Variants in PPIL3 observed in about 807,000 individuals in gnomAD.
The protein encoded by PPIL3 is peptidyl-prolyl cis-trans isomerase-like 3.
A neutral mutation model predicts 20.9 loss-of-function variants in PPIL3; 13 were observed. That is an observed-to-expected ratio of 0.62 (90% confidence interval 0.40 to 0.99). The LOEUF (loss-of-function observed/expected upper bound fraction) is 0.99. Ranked by LOEUF, PPIL3 falls within the 50% of genes least tolerant of loss-of-function variation. The pLI is 0.00. For synonymous variants in PPIL3, 71 were observed against 64.4 expected (o/e 1.10, Z -0.49); for missense variants, 170 against 195.2 (o/e 0.87, Z 0.77).
intron 5 of PPIL3, 37 bp downstream of exon 5, chr2:200,881,384 G>T: frequency 6.6e-7 from 1 of 1,517,718 alleles, no homozygotes; most frequent in Non-Finnish European, 9.1e-7. Context: ...CATAACCAAG[G>T]CATGAGAAAT....
intron 2 of PPIL3, among the ~76,000 whole-genome samples, chr2:200,887,330 A>T (rs1358539610): frequency 6.8e-6 from 1 of 147,194 alleles, no homozygotes; most frequent in Non-Finnish European, 1.5e-5. Flanking sequence ...GGCTGCAGTG[A>T]GCCGAGATTA....
At chr2:200,873,318 C>A (rs960481552) in intron 6 of PPIL3, among the ~76,000 whole-genome samples, 1 of 151,434 alleles carries the variant, frequency 6.6e-6, no homozygotes, top group African/African-American at 2.4e-5. Flanking sequence ...GCCTCCCAAG[C>A]AGCTGGGACT....
intron 3 of PPIL3, among the ~76,000 whole-genome samples, chr2:200,883,903 C>T (rs1249257974): frequency 1.3e-5 from 2 of 152,272 alleles, no homozygotes; most frequent in East Asian, 3.9e-4. Flanking sequence ...GCTGGGACAA[C>T]AGGGTCACAC....
At chr2:200,876,143 G>GT (rs537988969) in intron 6 of PPIL3, among the ~76,000 whole-genome samples, 8,224 of 137,796 alleles carry the variant, frequency 0.06, 261 homozygotes, top group Middle Eastern at 0.1. Context: ...TGTTTTTTTT[G>GT]TTTTTTTTTT....
Position 200,877,033 on chromosome 2 carries a change from T to C in PPIL3, c.245A>G (p.Asn82Ser), listed in dbSNP as rs754163849. Residue 82 changes from asparagine to serine, a missense_variant, in exon 6 of 7, where the codon AAT becomes AGT. Asn to Ser is a conservative substitution (Grantham distance 46). Coordinates refer to ENST00000392283, the MANE Select transcript of PPIL3 (RefSeq NM_130906.3). ...EDEYSEYLKH[N>S]VRGVVSMANN... Reference sequence around the variant, plus strand: ...AGCCATAGATACAACACCTCTAACATTGTGCTGAAAAAGACACATCAAAGT... The same window carrying C: ...AGCCATAGATACAACACCTCTAACACTGTGCTGAAAAAGACACATCAAAGT... The C allele has an allele frequency of 1.2e-5, 19 of 1,593,902 alleles. No individual in the cohort carries two copies. Among genetic ancestry groups the C allele is most frequent in the Non-Finnish European group, 1.5e-5 (18 of 1,161,750 alleles).
intron 6 of PPIL3, among the ~76,000 whole-genome samples, chr2:200,872,091 G>A (rs1392930061): frequency 2.0e-5 from 3 of 152,132 alleles, no homozygotes; most frequent in Non-Finnish European, 4.4e-5. Flanking sequence ...CACTTCGGAT[G>A]CCAGTTCCAA....
intron 2 of PPIL3, among the ~76,000 whole-genome samples, chr2:200,886,132 A>G (rs1575117489): frequency 6.6e-6 from 1 of 152,376 alleles, no homozygotes; most frequent in South Asian, 2.1e-4. Flanking sequence ...ATTCACCAAC[A>G]TCCTTATTTA....
intron 3 of PPIL3, among the ~76,000 whole-genome samples, chr2:200,882,966 G>C (rs771938968): frequency 1.3e-5 from 2 of 150,970 alleles, no homozygotes; most frequent in Non-Finnish European, 2.9e-5. Flanking sequence ...TGCAGTACCT[G>C]GCTCATCTCC....
At chr2:200,881,626 C>CA (rs1259506817) in intron 4 of PPIL3, 138 bp from the exon 5 acceptor site, 2 of 630,184 alleles carry the variant, frequency 3.2e-6, no homozygotes, top group African/African-American at 3.8e-5. Context: ...CCTAATTCCC[C>CA]AAATTTAACT....
intron 6 of PPIL3, among the ~76,000 whole-genome samples, chr2:200,876,520 T>G (rs1165414190): frequency 6.7e-6 from 1 of 148,352 alleles, no homozygotes; most frequent in Non-Finnish European, 1.5e-5. Flanking sequence ...TCTTTTCATT[T>G]TTTTTTTTTT....
intron 6 of PPIL3, among the ~76,000 whole-genome samples, chr2:200,874,760 T>C (rs2039452510): frequency 1.3e-5 from 2 of 152,168 alleles, no homozygotes; most frequent in Non-Finnish European, 2.9e-5. Context: ...GTAAATTAGA[T>C]ACATGTATAT....
chr2:200,886,729 C>T (rs1015217068), intron 2 of PPIL3, among the ~76,000 whole-genome samples: 6 of 152,074 alleles, frequency 3.9e-5, no homozygotes, highest in African/African-American at 1.2e-4. Context: ...CCTGGCCTAG[C>T]AGTTAGAGAG....
At chr2:200,878,687 C>T (rs879159589) in intron 5 of PPIL3, among the ~76,000 whole-genome samples, 1 of 152,084 alleles carries the variant, frequency 6.6e-6, no homozygotes, top group Non-Finnish European at 1.5e-5. Context: ...AGCCACTGTG[C>T]CCAGCCCTAA....
chr2:200,873,253 G>A (rs1381494489), intron 6 of PPIL3, among the ~76,000 whole-genome samples: 1 of 149,978 alleles, frequency 6.7e-6, no homozygotes, highest in Non-Finnish European at 1.5e-5. Context: ...GAGTGCAGTA[G>A]CACTATCTCG....
chr2:200,879,371 G>A (rs1197982720), intron 5 of PPIL3, among the ~76,000 whole-genome samples: 18 of 151,944 alleles, frequency 1.2e-4, no homozygotes, highest in African/African-American at 3.9e-4. Context: ...CGCCCGCCTC[G>A]GCCTCCCAAA....
At position 200,887,668 on chromosome 2, in the gene PPIL3, G is replaced by C; in HGVS notation, c.-53C>G. 9.2e-6 allele frequency: 14 copies of C among 1,529,362 alleles called. No individual in the cohort carries two copies. The highest frequency in any genetic ancestry group is 1.2e-5 in the Non-Finnish European group (13 of 1,126,930). The allele number at this position is 1,529,362 out of a possible 1,614,324, so 94.7% of individuals were successfully genotyped here. ...CTACGTGATTTCTCAGTCTTACAGC[G>C]AGCTCAAAAATAAGTCTCTAGTCCC... On this transcript the variant is annotated 5_prime_UTR_variant, in exon 2 of 7. Transcript: ENST00000392283.
In PPIL3 at chr2:200,889,030, C is replaced by T. The variant is rs1251702863; in HGVS notation, c.-145G>A. 2 of 471,214 alleles carry T rather than the reference C, an allele frequency of 4.2e-6. No homozygotes were observed. The highest frequency in any genetic ancestry group is 1.4e-4 in the East Asian group (2 of 14,396). 29.2% of individuals were successfully genotyped at this position (471,214 alleles called of 1,614,324 possible). A position where few individuals can be genotyped will look rare whatever the true frequency, so the allele number is the denominator to read the frequency against. The stretch of plus-strand genomic sequence containing the variant: ...TGCAATCGCAGATGCCAGCAGAGGT[C>T]TGTTGGTTCAAAATTATAGTTTCTT... On this transcript the variant is annotated 5_prime_UTR_variant, in exon 1 of 7. Transcript: ENST00000392283.
rs369905502 is a variant in PPIL3, at chr2:200,889,060, C to G, written c.-175G>C. ...GGTTCAAAATTATAGTTTCTTTGGG[C>G]CAGCGGAAGTTGGGCGCGGGACCCA... On this transcript the variant is annotated 5_prime_UTR_variant, in exon 1 of 7. Coordinates refer to ENST00000392283, the MANE Select transcript of PPIL3 (RefSeq NM_130906.3). 68 of 471,028 alleles carry G rather than the reference C, an allele frequency of 1.4e-4. No individual in the cohort carries two copies. Among genetic ancestry groups the G allele is most frequent in the African/African-American group, 1.2e-3 (60 of 50,192 alleles). 29.2% of individuals were successfully genotyped at this position (471,028 alleles called of 1,614,324 possible).
At position 200,881,485 on chromosome 2, in the gene PPIL3, G is replaced by A; in HGVS notation, c.176C>T (p.Thr59Ile). 6.2e-7 allele frequency: 1 copy of A among 1,611,690 alleles called. No homozygotes were observed. The highest frequency in any genetic ancestry group is 8.5e-7 in the Non-Finnish European group (1 of 1,178,578). Residue 59 changes from threonine (T) to isoleucine (I), a missense_variant, in exon 5 of 7, where the codon ACT (threonine) becomes ATT (isoleucine). Coordinates refer to ENST00000392283, the MANE Select transcript of PPIL3 (RefSeq NM_130906.3). ...CCAAATACTGTTGCCTCCTCTTCCA[G>A]TTCCTACATTACAAGTGAAGCAAAT... ...FMVQTGDPTG[T>I]GRGGNSIWGK...
Sources: allele counts gnomAD v4.1 joint callset (sites outside exome capture counted in the v4.1 genomes callset), GRCh38; gene constraint gnomAD v4.1.1; transcripts MANE v1.5; gene names NCBI Gene and HGNC (gene_info 2026-07-23, HGNC 2026-07-21).